KAZN: variants seen among roughly 807,000 people sequenced by gnomAD.
KAZN encodes kazrin.
In KAZN, 40 loss-of-function variants were observed where a neutral mutation model predicts 87.4. The ratio of observed to expected loss-of-function variants is 0.46; its 90% CI spans 0.36 to 0.60. The LOEUF (loss-of-function observed/expected upper bound fraction) is 0.60. Ranked by LOEUF, KAZN falls within the 20% of genes least tolerant of loss-of-function variation. The pLI, the probability that KAZN is intolerant of heterozygous loss-of-function variation, is 0.00. For synonymous variants in KAZN, 466 were observed against 458.3 expected, an observed-to-expected ratio of 1.02 and a Z score of -0.22; for missense variants, 898 against 1,073.9, an observed-to-expected ratio of 0.84 and a Z score of 2.29.
intron 3 of KAZN, among the ~76,000 whole-genome samples, chr1:15,036,230 ATCCCCCTCTGCCCTGCCT>A: frequency 3.3e-5 from 1 of 30,152 alleles, no homozygotes; most frequent in East Asian, 8.5e-4. Flanking sequence ...CTCTCCCCCC[ATCCCCCTCTGCCCTGCCT>A]GCTCGCCCCA....
intron 1 of KAZN, among the ~76,000 whole-genome samples, chr1:13,910,476 C>G (rs912060860): frequency 4.0e-5 from 6 of 151,890 alleles, no homozygotes; most frequent in African/African-American, 1.5e-4. Flanking sequence ...CCACCGCACT[C>G]CAGCCTGGCA....
rs1660650494 is a variant in KAZN at position 14,373,234 on chromosome 1, T to C, written c.249+192642T>C. Among the ~76,000 whole-genome samples the C allele has an allele frequency of 2.7e-5, 4 of 150,828 alleles. No homozygotes were observed. The South Asian group carries it at 6.3e-4, about 24-fold the overall frequency. On this transcript the variant is annotated intron_variant, in intron 2 of 16. Coordinates refer to the KAZN transcript ENST00000636203. ...ATATATATATATATATATGCACACA[T>C]ATAATTATAAGGAATTGGCAAAGGA...
At chr1:15,076,052 T>C (rs1227163952) in intron 8 of KAZN, among the ~76,000 whole-genome samples, 2 of 152,184 alleles carry the variant, frequency 1.3e-5, no homozygotes, top group Non-Finnish European at 2.9e-5. Flanking sequence ...GAGGCTGATG[T>C]CTGTGGAGGC....
chr1:14,622,462 G>C (rs755190976), intron 1 of KAZN, among the ~76,000 whole-genome samples: 5 of 151,682 alleles, frequency 3.3e-5, no homozygotes, highest in Admixed American at 6.6e-5. Flanking sequence ...AGGCCGAGGC[G>C]GGCGGATCAC....
At chr1:14,865,986 T>A (rs1054548206) in intron 1 of KAZN, among the ~76,000 whole-genome samples, 1 of 152,248 alleles carries the variant, frequency 6.6e-6, no homozygotes, top group Non-Finnish European at 1.5e-5. Context: ...TGCCGACACC[T>A]CGATCCCAGC....
intron 1 of KAZN, among the ~76,000 whole-genome samples, chr1:14,959,737 T>C (rs1663614581): frequency 6.6e-6 from 1 of 152,218 alleles, no homozygotes; most frequent in Non-Finnish European, 1.5e-5. Context: ...GCCTGATCAC[T>C]GCCTCCAGCA....
intron 2 of KAZN, among the ~76,000 whole-genome samples, chr1:14,973,489 C>T (rs575179713): frequency 9.9e-5 from 15 of 152,238 alleles, no homozygotes; most frequent in Admixed American, 3.3e-4. Context: ...CCCCACTGGC[C>T]GGGGTCATAC....
At chr1:14,473,589 A>G (rs572414873) in intron 2 of KAZN, among the ~76,000 whole-genome samples, 3 of 151,398 alleles carry the variant, frequency 2.0e-5, no homozygotes, top group East Asian at 3.9e-4. Flanking sequence ...TCGTGCCACA[A>G]GATCGCGCCA....
intron 3 of KAZN, among the ~76,000 whole-genome samples, chr1:15,039,079 C>T (rs529178147): frequency 2.7e-5 from 4 of 149,206 alleles, no homozygotes; most frequent in East Asian, 2.0e-4. Context: ...CAACAGCAGA[C>T]GTTTATTGTG....
chr1:14,413,227 G>A (rs1664447359), intron 2 of KAZN, among the ~76,000 whole-genome samples: 2 of 151,524 alleles, frequency 1.3e-5, no homozygotes, highest in South Asian at 4.2e-4. Context: ...GTAGTACTGG[G>A]GTTGCCATTT....
At chr1:14,690,941 T>G (rs1233884860) in intron 1 of KAZN, among the ~76,000 whole-genome samples, 2 of 152,232 alleles carry the variant, frequency 1.3e-5, no homozygotes, top group Non-Finnish European at 2.9e-5. Flanking sequence ...GCAGATTCAT[T>G]TGCTGGATAA....
chr1:14,887,431 C>T (rs992418723), intron 1 of KAZN, among the ~76,000 whole-genome samples: 1 of 152,190 alleles, frequency 6.6e-6, no homozygotes, highest in Non-Finnish European at 1.5e-5. Flanking sequence ...ACCCATTAGG[C>T]CTCTGATTGG....
chr1:14,441,362 C>T (rs1336034380), intron 2 of KAZN, among the ~76,000 whole-genome samples: 1 of 152,060 alleles, frequency 6.6e-6, no homozygotes, highest in East Asian at 1.9e-4. Flanking sequence ...TTGTTCCGGG[C>T]AGCAGCGGCA....
At chr1:15,015,642 C>T (rs765462381) in intron 2 of KAZN, among the ~76,000 whole-genome samples, 41 of 152,202 alleles carry the variant, frequency 2.7e-4, no homozygotes, top group Middle Eastern at 3.4e-3. Flanking sequence ...AAGGACAAAC[C>T]GTCAGCATGG....
At chr1:14,183,712 C>T (rs1646247049) in intron 2 of KAZN, among the ~76,000 whole-genome samples, 1 of 152,144 alleles carries the variant, frequency 6.6e-6, no homozygotes, top group African/African-American at 2.4e-5. Context: ...CCCTTTACCC[C>T]CCAAAGACCT....
intron 2 of KAZN, among the ~76,000 whole-genome samples, chr1:14,296,213 T>C (rs1319520517): frequency 1.3e-5 from 2 of 152,240 alleles, no homozygotes; most frequent in African/African-American, 4.8e-5. Flanking sequence ...CTGTTATTAC[T>C]ACCATCACTG....
intron 1 of KAZN, among the ~76,000 whole-genome samples, chr1:14,607,982 C>T (rs976875842): frequency 6.6e-6 from 1 of 152,226 alleles, no homozygotes; most frequent in Non-Finnish European, 1.5e-5. Flanking sequence ...GTTATCCTCT[C>T]CATTCCACAG....
intron 1 of KAZN, among the ~76,000 whole-genome samples, chr1:13,919,051 C>T (rs922484685): frequency 2.0e-5 from 3 of 152,092 alleles, no homozygotes; most frequent in African/African-American, 7.2e-5. Flanking sequence ...CACAGGGGAC[C>T]ATAAAACTTT....
chr1:14,554,311 C>G (rs1673728703), intron 2 of KAZN, among the ~76,000 whole-genome samples: 1 of 152,188 alleles, frequency 6.6e-6, no homozygotes, highest in Admixed American at 6.5e-5. Flanking sequence ...CTGGGCAGAG[C>G]TGGGGGCTTA....
Sources: allele counts gnomAD v4.1 joint callset (sites outside exome capture counted in the v4.1 genomes callset), GRCh38; gene constraint gnomAD v4.1.1; transcripts MANE v1.5; gene names NCBI Gene and HGNC (gene_info 2026-07-23, HGNC 2026-07-21).